Variants in DIP2C observed in about 807,000 individuals in gnomAD.
DIP2C encodes the protein DIP2 acetate--CoA ligase C (putative), also known as disco-interacting protein 2 homolog C.
A neutral mutation model predicts 192.4 loss-of-function variants in DIP2C; 33 were observed. The ratio of observed to expected loss-of-function variants is 0.17; its 90% CI spans 0.13 to 0.23. The LOEUF (loss-of-function observed/expected upper bound fraction) is 0.23, where lower values mean the gene tolerates loss of function less well. Among genes scored for constraint, DIP2C ranks in the 10% least tolerant of loss-of-function variants. The probability of loss-of-function intolerance (pLI) is 1.00; values close to 1 mark genes in which losing one functional copy is unlikely to be tolerated. For synonymous variants in DIP2C, 979 were observed against 864.1 expected (o/e 1.13, Z -2.33); for missense variants, 1,537 against 2,110.1 (o/e 0.73, Z 5.32).
At chr10:523,397 G>A (rs1026382878) in intron 1 of DIP2C, among the ~76,000 whole-genome samples, 5 of 137,696 alleles carry the variant, frequency 3.6e-5, no homozygotes, top group Admixed American at 7.1e-5. Context: ...CGTTTCTACC[G>A]GATGCAAAGG....
intron 10 of DIP2C, among the ~76,000 whole-genome samples, chr10:391,474 G>A (rs1022911245): frequency 1.3e-5 from 2 of 152,186 alleles, no homozygotes; most frequent in Non-Finnish European, 2.9e-5. Context: ...AGATACAGGT[G>A]GCTCCAGGCT....
At chr10:550,715 C>A (rs796560546) in intron 1 of DIP2C, among the ~76,000 whole-genome samples, 1 of 152,180 alleles carries the variant, frequency 6.6e-6, no homozygotes, top group South Asian at 2.1e-4. Context: ...TCCCTAGCCC[C>A]TCTCCCCCTA....
At chr10:534,311 C>T (rs1847575617) in intron 1 of DIP2C, among the ~76,000 whole-genome samples, 1 of 152,256 alleles carries the variant, frequency 6.6e-6, no homozygotes, top group Non-Finnish European at 1.5e-5. Flanking sequence ...CACTCCTCTT[C>T]CTGCTGGTGG....
At chr10:570,713 G>A (rs887826174) in intron 1 of DIP2C, among the ~76,000 whole-genome samples, 1 of 152,214 alleles carries the variant, frequency 6.6e-6, no homozygotes. Context: ...AGTCTGTTGA[G>A]AGGAGGAAGC....
intron 31 of DIP2C, among the ~76,000 whole-genome samples, chr10:315,612 G>T (rs929940148): frequency 2.2e-4 from 33 of 152,286 alleles, no homozygotes; most frequent in African/African-American, 7.2e-4. Flanking sequence ...CTTTAAGATT[G>T]ACTCTGCCAC....
intron 1 of DIP2C, among the ~76,000 whole-genome samples, chr10:658,356 CCTGGACCTGCCGCTGGACCTGACA>C (rs1466733928): frequency 4.8e-5 from 7 of 144,406 alleles, no homozygotes; most frequent in South Asian, 2.3e-4. Context: ...TGGACCTGCC[CCTGGACCTGCCGCTGGACCTGACA>C]CTGGACCTGA....
At chr10:572,420 C>T (rs1002450415) in intron 1 of DIP2C, among the ~76,000 whole-genome samples, 16 of 152,224 alleles carry the variant, frequency 1.1e-4, no homozygotes, top group Non-Finnish European at 1.9e-4. Flanking sequence ...GTCCCCATTC[C>T]AGCCAGCACA....
intron 29 of DIP2C, 136 bp from the exon 30 acceptor site, chr10:329,737 C>T (rs1165196547): frequency 3.6e-6 from 4 of 1,125,542 alleles, no homozygotes; most frequent in Non-Finnish European, 4.9e-6. Flanking sequence ...TGTAGAAGGG[C>T]ACAGTAAAGC....
chr10:496,209 C>G (rs1844820675), intron 1 of DIP2C, among the ~76,000 whole-genome samples: 1 of 145,212 alleles, frequency 6.9e-6, no homozygotes, highest in Admixed American at 6.9e-5. Context: ...CTACATTACT[C>G]TTAATACCCC....
intron 9 of DIP2C, 63 bp downstream of exon 9, chr10:408,863 G>A: frequency 6.5e-7 from 1 of 1,537,352 alleles, no homozygotes. Flanking sequence ...TGTTTAAACA[G>A]TGGGCACCTT....
chr10:517,134 T>C (rs1846414843), intron 1 of DIP2C, among the ~76,000 whole-genome samples: 1 of 151,942 alleles, frequency 6.6e-6, no homozygotes, highest in Admixed American at 6.5e-5. Context: ...CCAGCCTGCA[T>C]GGCCGCCCCT....
chr10:497,526 G>A (rs534031656), intron 1 of DIP2C, among the ~76,000 whole-genome samples: 8 of 152,146 alleles, frequency 5.3e-5, no homozygotes, highest in Non-Finnish European at 1.0e-4. Context: ...CTTCACTTGC[G>A]AACTGTTTGC....
chr10:583,130 T>C (rs574410824), intron 1 of DIP2C, among the ~76,000 whole-genome samples: 1 of 152,324 alleles, frequency 6.6e-6, no homozygotes, highest in African/African-American at 2.4e-5. Context: ...GAGAAATGCA[T>C]GAGCATATCT....
At chr10:604,461 A>G (rs1303492563) in intron 1 of DIP2C, among the ~76,000 whole-genome samples, 1 of 152,236 alleles carries the variant, frequency 6.6e-6, no homozygotes, top group Admixed American at 6.5e-5. Context: ...TGAGTCGGAG[A>G]GGCCAAGCAA....
intron 1 of DIP2C, among the ~76,000 whole-genome samples, chr10:538,833 CTT>C (rs1477957948): frequency 1.3e-5 from 2 of 152,186 alleles, no homozygotes; most frequent in African/African-American, 4.8e-5. Context: ...GGTAATATGA[CTT>C]TGAAAAATGT....
intron 22 of DIP2C, among the ~76,000 whole-genome samples, chr10:358,431 C>G (rs931439119): frequency 6.8e-6 from 1 of 147,374 alleles, no homozygotes; most frequent in Non-Finnish European, 1.5e-5. Context: ...ATACTGTGGA[C>G]GGGACAGGAT....
At chr10:627,969 G>A (rs757190124) in intron 1 of DIP2C, among the ~76,000 whole-genome samples, 62 of 152,306 alleles carry the variant, frequency 4.1e-4, no homozygotes, top group Non-Finnish European at 6.9e-4. Flanking sequence ...CTGTTTTACC[G>A]GGGTACTAAA....
At position 416,378 on chromosome 10, in the gene DIP2C, G is replaced by A. The variant is rs536005191; in HGVS notation, c.740-490C>T. On this transcript the variant is annotated intron_variant, in intron 6 of 36. Transcript: ENST00000280886. ...CGAGAACATCGGGCCGCTGAGTCACGTCTGGAACCCCCAGCATCCCACAGC... is the reference window on the plus strand; with the variant it reads ...CGAGAACATCGGGCCGCTGAGTCACATCTGGAACCCCCAGCATCCCACAGC... 7.2e-5 allele frequency among the ~76,000 whole-genome samples: 11 copies of A among 152,054 alleles called. No individual in the cohort carries two copies. In the South Asian group the frequency reaches 1.0e-3, roughly 14 times the overall value.
chr10:521,742 C>G lies in DIP2C; in HGVS notation c.86-35212G>C, dbSNP rs533229130. The stretch of plus-strand genomic sequence containing the variant: ...GGAGACACCCTCACACAGATTCTAT[C>G]TGGCCAGCACTATTTTTTGTTTGCC... On this transcript the variant is annotated intron_variant, in intron 1 of 36. Coordinates refer to ENST00000280886, the MANE Select transcript of DIP2C (RefSeq NM_014974.3). Among the ~76,000 whole-genome samples, 14 of 152,352 alleles carry G rather than the reference C, an allele frequency of 9.2e-5. 1 individual carries two copies. In the South Asian group the frequency reaches 2.7e-3, roughly 29 times the overall value.
Sources: gnomAD v4.1 joint callset for allele counts (sites outside exome capture counted in the v4.1 genomes callset) on GRCh38, gnomAD v4.1.1 for gene constraint, MANE v1.5 for transcripts, NCBI Gene and HGNC (gene_info 2026-07-23, HGNC 2026-07-21) for gene names.